The following RAB27B variants were observed in gnomAD, a reference collection of about 807,000 sequenced individuals.
The protein encoded by RAB27B is ras-related protein Rab-27B.
Under a neutral mutation model 24.6 loss-of-function variants are expected in RAB27B, and 15 were observed. That is an observed-to-expected ratio of 0.61 (90% CI 0.41 to 0.94). RAB27B has a LOEUF of 0.94. Ranked by LOEUF, RAB27B falls within the 40% of genes least tolerant of loss-of-function variation. The probability of loss-of-function intolerance (pLI) is 0.00; values close to 1 mark genes in which losing one functional copy is unlikely to be tolerated. For synonymous variants in RAB27B, 105 were observed against 92.5 expected (o/e 1.14, Z -0.78); for missense variants, 261 against 266.8 (o/e 0.98, Z 0.15).
intron 2 of RAB27B, among the ~76,000 whole-genome samples, chr18:54,776,170 A>T (rs929723750): frequency 6.6e-6 from 1 of 152,248 alleles, no homozygotes; most frequent in Non-Finnish European, 1.5e-5. Context: ...TCTGATGAGG[A>T]AAGAAATTTG....
chr18:54,864,718 G>A (rs1040746276), intron 1 of RAB27B, among the ~76,000 whole-genome samples: 9 of 152,100 alleles, frequency 5.9e-5, no homozygotes, highest in African/African-American at 2.2e-4. Context: ...ATAAATGTAA[G>A]AGTTTATTTC....
intron 2 of RAB27B, among the ~76,000 whole-genome samples, chr18:54,733,770 G>A (rs1274323354): frequency 6.6e-6 from 1 of 150,616 alleles, no homozygotes; most frequent in Admixed American, 6.7e-5. Context: ...CCTTAATGGT[G>A]AGTTGCTGCC....
At chr18:54,772,443 C>T (rs1424457388) in intron 2 of RAB27B, among the ~76,000 whole-genome samples, 1 of 152,194 alleles carries the variant, frequency 6.6e-6, no homozygotes, top group African/African-American at 2.4e-5. Flanking sequence ...GTTGTGGTGG[C>T]TCATCCTTAA....
chr18:54,754,159 T>C (rs1386619375), intron 2 of RAB27B, among the ~76,000 whole-genome samples: 1 of 145,798 alleles, frequency 6.9e-6, no homozygotes, highest in Non-Finnish European at 1.5e-5. Context: ...TAAGGGCAAT[T>C]TCCCCCACGC....
intron 2 of RAB27B, among the ~76,000 whole-genome samples, chr18:54,812,076 A>G (rs1909979828): frequency 6.6e-6 from 1 of 152,226 alleles, no homozygotes; most frequent in Non-Finnish European, 1.5e-5. Context: ...ACACTTGCTA[A>G]TGTCAAAATA....
chr18:54,828,899 T>C (rs1910571312), intron 1 of RAB27B, among the ~76,000 whole-genome samples, 199 bp downstream of exon 1: 1 of 152,210 alleles, frequency 6.6e-6, no homozygotes, highest in South Asian at 2.1e-4. Flanking sequence ...ACGGATGGCA[T>C]GGGCCAACTC....
intron 2 of RAB27B, among the ~76,000 whole-genome samples, chr18:54,809,325 C>T (rs1212585618): frequency 1.3e-5 from 2 of 152,130 alleles, no homozygotes; most frequent in Non-Finnish European, 1.5e-5. Context: ...CTGAAGTCTA[C>T]CACCAGTAGA....
chr18:54,734,791 A>G (rs1223673149), intron 2 of RAB27B, among the ~76,000 whole-genome samples: 1 of 152,196 alleles, frequency 6.6e-6, no homozygotes, highest in African/African-American at 2.4e-5. Flanking sequence ...AAGTATTTCT[A>G]GCATCTCTCG....
intron 3 of RAB27B, among the ~76,000 whole-genome samples, chr18:54,881,430 G>A (rs1165019358): frequency 6.6e-6 from 1 of 152,082 alleles, no homozygotes; most frequent in Non-Finnish European, 1.5e-5. Context: ...TATGAAACAT[G>A]TGGTAGAAAT....
intron 1 of RAB27B, among the ~76,000 whole-genome samples, chr18:54,847,790 A>T (rs1320244796): frequency 6.6e-6 from 1 of 152,174 alleles, no homozygotes; most frequent in Non-Finnish European, 1.5e-5. Flanking sequence ...TTTTAGCTTA[A>T]TTTGTCCTGA....
chr18:54,748,195 T>C (rs1910316553), intron 2 of RAB27B, among the ~76,000 whole-genome samples: 1 of 152,092 alleles, frequency 6.6e-6, no homozygotes, highest in African/African-American at 2.4e-5. Flanking sequence ...ATCTACAAAA[T>C]CATCTGAGTT....
At chr18:54,805,036 A>C in intron 2 of RAB27B, among the ~76,000 whole-genome samples, 1 of 141,824 alleles carries the variant, frequency 7.1e-6, no homozygotes, top group African/African-American at 2.6e-5. Context: ...ACTGCTCTCC[A>C]CCATTGCATG....
At chr18:54,820,892 G>A (rs1165692855) in intron 2 of RAB27B, among the ~76,000 whole-genome samples, 4 of 141,824 alleles carry the variant, frequency 2.8e-5, no homozygotes, top group Admixed American at 7.3e-5. Flanking sequence ...CCCATTTCTT[G>A]GTTTTGTCAG....
intron 2 of RAB27B, among the ~76,000 whole-genome samples, chr18:54,732,998 T>C (rs1909773093): frequency 6.6e-6 from 1 of 152,108 alleles, no homozygotes; most frequent in South Asian, 2.1e-4. Flanking sequence ...ACCAACTAGG[T>C]CTATATGTCA....
intron 2 of RAB27B, among the ~76,000 whole-genome samples, chr18:54,730,677 ACT>A (rs1158108212): frequency 6.7e-6 from 1 of 149,760 alleles, no homozygotes; most frequent in Non-Finnish European, 1.5e-5. Flanking sequence ...CCTCCTCCTC[ACT>A]CTCTCGCTCC....
At chr18:54,743,580 C>T (rs1910137692) in intron 2 of RAB27B, among the ~76,000 whole-genome samples, 1 of 152,126 alleles carries the variant, frequency 6.6e-6, no homozygotes, top group South Asian at 2.1e-4. Flanking sequence ...CGGGAAAAAG[C>T]ACCTAAGGCA....
intron 2 of RAB27B, among the ~76,000 whole-genome samples, chr18:54,764,522 G>C (rs1231835365): frequency 6.6e-6 from 1 of 152,142 alleles, no homozygotes; most frequent in Non-Finnish European, 1.5e-5. Context: ...TTGGGAAATA[G>C]GCTAAGATGG....
rs867560087 is a variant in RAB27B, at chr18:54,733,652, C to G, written c.-20+15511C>G. Among the ~76,000 whole-genome samples the G allele has an allele frequency of 6.0e-5, 6 of 99,500 alleles. 2 individuals are homozygous for G. The highest frequency in any genetic ancestry group is 1.1e-4 in the Admixed American group (1 of 9,234). 65.3% of individuals were successfully genotyped at this position (99,500 alleles called of 152,430 possible). A position where few individuals can be genotyped will look rare whatever the true frequency, so the allele number is the denominator to read the frequency against. On this transcript the variant is annotated intron_variant, in intron 2 of 4. Coordinates refer to the RAB27B transcript ENST00000586570. ...TAGGTGAAATCTTCTGTTCTAGAGC[C>G]CCCCCCCCCCAAATTTGCTAAGCTC...
chr18:54,835,088 T>C (rs1910843131), intron 1 of RAB27B, among the ~76,000 whole-genome samples: 1 of 151,966 alleles, frequency 6.6e-6, no homozygotes, highest in Non-Finnish European at 1.5e-5. Flanking sequence ...ATTCAAAATA[T>C]ATTATTTTCA....
Sources: gnomAD v4.1 joint callset for allele counts (sites outside exome capture counted in the v4.1 genomes callset) on GRCh38, gnomAD v4.1.1 for gene constraint, MANE v1.5 for transcripts, NCBI Gene and HGNC (gene_info 2026-07-23, HGNC 2026-07-21) for gene names.